Variants in HDAC4 observed in about 807,000 individuals in gnomAD.
The protein encoded by HDAC4 is histone deacetylase A.
A neutral mutation model predicts 135.1 loss-of-function variants in HDAC4; 16 were observed. That is an observed-to-expected ratio of 0.12 (90% CI 0.08 to 0.18). The LOEUF (loss-of-function observed/expected upper bound fraction) is 0.18. HDAC4 is among the 10% of genes least tolerant of loss of function. HDAC4 has a pLI of 1.00. For synonymous variants in HDAC4, 685 were observed against 653.4 expected (o/e 1.05, Z -0.74); for missense variants, 1,143 against 1,511.8 (o/e 0.76, Z 4.05).
chr2:239,182,118 C>T (rs892220198), intron 4 of HDAC4, among the ~76,000 whole-genome samples: 3 of 152,174 alleles, frequency 2.0e-5, no homozygotes, highest in South Asian at 2.1e-4. Flanking sequence ...AAAGGTGCCC[C>T]GAGAGCATCC....
chr2:239,233,421 C>T (rs1374616917), intron 3 of HDAC4, among the ~76,000 whole-genome samples: 1 of 151,330 alleles, frequency 6.6e-6, no homozygotes, highest in Non-Finnish European at 1.5e-5. Flanking sequence ...ACTTAGGATG[C>T]TCAACCAGTA....
intron 1 of HDAC4, among the ~76,000 whole-genome samples, chr2:239,372,262 C>A (rs748409862): frequency 2.6e-5 from 4 of 152,226 alleles, no homozygotes; most frequent in Non-Finnish European, 5.9e-5. Flanking sequence ...GGCCCTCAAG[C>A]CGGCACTGGA....
At chr2:239,087,388 G>C (rs1226704656) in intron 19 of HDAC4, among the ~76,000 whole-genome samples, 171 bp downstream of exon 19, 2 of 152,182 alleles carry the variant, frequency 1.3e-5, no homozygotes, top group Non-Finnish European at 2.9e-5. Flanking sequence ...GCAGACTTTG[G>C]CATCTGCACT....
rs974999071 is a variant in HDAC4 at position 239,256,219 on chromosome 2, T to C, written c.23-19555A>G. ...TGAAGAAAACAGCAAACAAGTTCAG[T>C]GGGGCTCCTTCTAGGAGGCTTCTTT... is the stretch of plus-strand genomic sequence containing the variant. On this transcript the variant is annotated intron_variant, in intron 2 of 26. Coordinates refer to ENST00000543185, the MANE Select transcript of HDAC4 (RefSeq NM_001378414.1). Among the ~76,000 whole-genome samples, 6 of 152,322 alleles carry C rather than the reference T, an allele frequency of 3.9e-5. No homozygotes were observed. The East Asian group carries it at 1.2e-3, about 29-fold the overall frequency.
At chr2:239,278,768 C>T (rs1488193560) in intron 2 of HDAC4, among the ~76,000 whole-genome samples, 1 of 152,220 alleles carries the variant, frequency 6.6e-6, no homozygotes, top group African/African-American at 2.4e-5. Context: ...GGCTCTGGAC[C>T]TTCCTTCAGG....
intron 6 of HDAC4, among the ~76,000 whole-genome samples, chr2:239,158,914 TCA>T (rs1389729442): frequency 6.6e-6 from 1 of 151,620 alleles, no homozygotes; most frequent in Non-Finnish European, 1.5e-5. Context: ...ACAATTACTC[TCA>T]CTCACATCCG....
intron 3 of HDAC4, among the ~76,000 whole-genome samples, chr2:239,222,212 C>T (rs376489196): frequency 4.6e-5 from 7 of 152,148 alleles, no homozygotes; most frequent in Non-Finnish European, 2.9e-5. Flanking sequence ...GGGTGCTGGC[C>T]GTACCAGCCA....
intron 3 of HDAC4, among the ~76,000 whole-genome samples, chr2:239,205,972 G>A (rs182702420): frequency 6.6e-6 from 1 of 152,198 alleles, no homozygotes; most frequent in Non-Finnish European, 1.5e-5. Flanking sequence ...CAGCGGTCAG[G>A]TTGGGGCAGG....
At chr2:239,109,325 C>T (rs920704682) in intron 14 of HDAC4, among the ~76,000 whole-genome samples, 2 of 152,156 alleles carry the variant, frequency 1.3e-5, no homozygotes, top group African/African-American at 4.8e-5. Flanking sequence ...GGCAAGCTGC[C>T]CAGACAGACC....
chr2:239,206,394 G>A (rs1042719444), intron 3 of HDAC4, among the ~76,000 whole-genome samples: 93 of 148,764 alleles, frequency 6.3e-4, no homozygotes, highest in African/African-American at 2.2e-3. Context: ...ACACATACGT[G>A]CACACACACA....
chr2:239,365,536 AG>A (rs1049581071), intron 1 of HDAC4, among the ~76,000 whole-genome samples: 68 of 152,364 alleles, frequency 4.5e-4, no homozygotes, highest in African/African-American at 1.6e-3. Context: ...GGGCCATGGG[AG>A]CCAGCAAGGC....
rs914396383 is a variant in HDAC4 at position 239,242,483 on chromosome 2, C to T, written c.23-5819G>A. On this transcript the variant is annotated intron_variant, in intron 2 of 26. Transcript: ENST00000543185. The stretch of plus-strand genomic sequence containing the variant: ...ATTTCTGTTTGCTTGCATATGGAAA[C>T]ACAATTAATTTTTACTTATTGGTTC... 2.6e-5 allele frequency among the ~76,000 whole-genome samples: 4 copies of T among 152,190 alleles called. No homozygotes were observed. The East Asian group carries it at 7.7e-4, about 29-fold the overall frequency.
At chr2:239,107,438 G>T (rs75384151) in intron 15 of HDAC4, among the ~76,000 whole-genome samples, 14,895 of 152,268 alleles carry the variant, frequency 0.098, 1,075 homozygotes, top group Admixed American at 0.24. Flanking sequence ...GCCTCCTCGT[G>T]TGACTCAGCC....
chr2:239,398,663 C>G (rs762213612), intron 1 of HDAC4, among the ~76,000 whole-genome samples: 10 of 152,248 alleles, frequency 6.6e-5, no homozygotes, highest in African/African-American at 2.4e-4. Flanking sequence ...CCAAGGCCTC[C>G]GAGAATATGG....
intron 3 of HDAC4, among the ~76,000 whole-genome samples, chr2:239,228,665 A>G (rs1397024471): frequency 6.6e-6 from 1 of 152,180 alleles, no homozygotes; most frequent in Non-Finnish European, 1.5e-5. Context: ...GAAGGACTGG[A>G]GAAGGGGGCA....
intron 11 of HDAC4, among the ~76,000 whole-genome samples, chr2:239,133,997 C>G (rs2040773296): frequency 6.6e-6 from 1 of 152,144 alleles, no homozygotes; most frequent in Admixed American, 6.5e-5. Context: ...AGCCGGTGGC[C>G]TCTCCCAAAA....
chr2:239,196,933 G>A (rs1433889812), intron 3 of HDAC4, among the ~76,000 whole-genome samples: 1 of 152,182 alleles, frequency 6.6e-6, no homozygotes, highest in Non-Finnish European at 1.5e-5. Flanking sequence ...CGGCCCAGAC[G>A]CTGCCTCCGA....
chr2:239,124,363 G>C (rs951195601), intron 12 of HDAC4, among the ~76,000 whole-genome samples: 4 of 152,248 alleles, frequency 2.6e-5, no homozygotes, highest in African/African-American at 9.6e-5. Flanking sequence ...CTGTGAGTCT[G>C]TCTGTTGGGG....
At chr2:239,207,606 C>T (rs976485694) in intron 3 of HDAC4, among the ~76,000 whole-genome samples, 2 of 152,042 alleles carry the variant, frequency 1.3e-5, no homozygotes, top group Non-Finnish European at 2.9e-5. Flanking sequence ...AACTTGAGGC[C>T]AGTAAGTTTT....
Sources: allele counts gnomAD v4.1 joint callset (sites outside exome capture counted in the v4.1 genomes callset), GRCh38; gene constraint gnomAD v4.1.1; transcripts MANE v1.5; gene names NCBI Gene and HGNC (gene_info 2026-07-23, HGNC 2026-07-21).